The following DNAH6 variants were observed in gnomAD, a reference collection of about 807,000 sequenced individuals.
DNAH6 encodes the protein dynein axonemal heavy chain 6, also known as axonemal beta dynein heavy chain 6.
A neutral mutation model predicts 491.4 loss-of-function variants in DNAH6; 340 were observed. That is an observed-to-expected ratio of 0.69 (90% confidence interval 0.63 to 0.76). The LOEUF is 0.76. DNAH6 is among the 30% of genes least tolerant of loss of function. DNAH6 has a pLI of 0.00. For missense variants in DNAH6, 4,443 were observed against 4,972.2 expected (o/e 0.89, Z 3.20); for synonymous variants, 1,603 against 1,686.1 (o/e 0.95, Z 1.21).
chr2:84,722,264 A>G (rs1332080301), intron 59 of DNAH6, among the ~76,000 whole-genome samples: 1 of 152,000 alleles, frequency 6.6e-6, no homozygotes, highest in East Asian at 1.9e-4. Flanking sequence ...TCCTTTATTC[A>G]TTGTGCTTGC....
At position 84,815,903 on chromosome 2, in the gene DNAH6, A is replaced by G. The variant is rs1341931681; in HGVS notation, c.12193A>G (p.Met4065Val). ...TGGTGTTCTTGTTCATGGGATGTTC[A>G]TGGATGCTTCTCGATGGGATGATAA... ...EDGVLVHGMFMDASRWDDKEM... is the reference protein window; with the variant it reads ...EDGVLVHGMFVDASRWDDKEM... Residue 4065 changes from methionine to valine, a missense_variant, in exon 76 of 77, where the codon ATG (methionine) becomes GTG (valine). Physicochemically the swap from Met to Val is conservative, Grantham distance 21. Coordinates refer to ENST00000389394, the MANE Select transcript of DNAH6 (RefSeq NM_001370.2). 3.2e-6 allele frequency: 5 copies of G among 1,551,468 alleles called. No homozygotes were observed. The highest frequency in any genetic ancestry group is 3.5e-6 in the Non-Finnish European group (4 of 1,146,986).
In DNAH6 at chr2:84,642,025, A is replaced by C; in HGVS notation, c.5049A>C (p.Lys1683Asn). The C allele has an allele frequency of 6.4e-7, 1 of 1,550,922 alleles. No individual in the cohort carries two copies. The highest frequency in any genetic ancestry group is 8.7e-7 in the Non-Finnish European group (1 of 1,146,512). Residue 1683 changes from lysine (K) to asparagine (N), a missense_variant, in exon 33 of 77, where the codon AAA becomes AAC. Around this residue, in one of 3 missense-constraint regions of DNAH6, gnomAD observed 2,977 missense variants for 3,296.6 expected, o/e 0.90. Coordinates refer to ENST00000389394, the MANE Select transcript of DNAH6 (RefSeq NM_001370.2). ...IRALQDSNLPKFLTDDALLFS... is the reference protein window; with the variant it reads ...IRALQDSNLPNFLTDDALLFS... ...CTTTACAAGACTCCAATTTGCCAAA[A>C]TTTCTAACAGATGATGCTCTTCTGT...
At chr2:84,778,018 A>C in intron 64 of DNAH6, 6 of 1,008,860 alleles carry the variant, frequency 5.9e-6, no homozygotes, top group Non-Finnish European at 9.5e-6. Flanking sequence ...TGCCAGAGAC[A>C]ATCTTTGGTG....
At chr2:84,717,258 A>G (rs1403581632) in intron 58 of DNAH6, among the ~76,000 whole-genome samples, 1 of 152,214 alleles carries the variant, frequency 6.6e-6, no homozygotes. Context: ...TCCTGAGCTT[A>G]CCTTTATCTT....
chr2:84,560,452 T>TC (rs1285119285), intron 11 of DNAH6, among the ~76,000 whole-genome samples: 7 of 146,558 alleles, frequency 4.8e-5, no homozygotes, highest in Non-Finnish European at 1.0e-4. Context: ...TCTTTTTTTT[T>TC]TCTTTTTTTT....
At chr2:84,490,751 G>A in the DNAH6 span, among the ~76,000 whole-genome samples, 10 of 151,940 alleles carry the variant, frequency 6.6e-5, no homozygotes, top group African/African-American at 1.7e-4. Context: ...TAGTAGAGAC[G>A]GGGTTTCACC....
At chr2:84,691,459 T>C (rs1236406118) in intron 45 of DNAH6, among the ~76,000 whole-genome samples, 1 of 152,238 alleles carries the variant, frequency 6.6e-6, no homozygotes, top group Non-Finnish European at 1.5e-5. Flanking sequence ...ACATCTGATG[T>C]GTCTTTGAGT....
At chr2:84,628,182 G>A (rs1056169989) in intron 29 of DNAH6, among the ~76,000 whole-genome samples, 1 of 152,180 alleles carries the variant, frequency 6.6e-6, no homozygotes, top group Non-Finnish European at 1.5e-5. Context: ...AGGCATGGAT[G>A]GCTGTTGAGA....
At position 84,577,336 on chromosome 2, in the gene DNAH6, T is replaced by C. The variant is rs768021436; in HGVS notation, c.2004T>C (p.Asn668=). ...CAGTAGCGCTCAGACCCACCAGAAA[T>C]GTAGGATTGCTGCTCATTGATACTA... is the stretch of plus-strand genomic sequence containing the variant. The part of the protein sequence containing the change: ...KDAVALRPTR[N]VGLLLIDTRL... The change falls in exon 13 of 77, where the codon AAT becomes AAC. Residue 668 remains asparagine, a synonymous_variant. Coordinates refer to ENST00000389394, the MANE Select transcript of DNAH6 (RefSeq NM_001370.2). 6.2e-7 allele frequency: 1 copy of C among 1,612,278 alleles called. No individual in the cohort carries two copies. Among genetic ancestry groups the C allele is most frequent in the South Asian group, 1.1e-5 (1 of 90,666 alleles).
At chr2:84,805,574 T>G in intron 70 of DNAH6, 91 bp from the exon 71 acceptor site, 1 of 1,168,406 alleles carries the variant, frequency 8.6e-7, no homozygotes, top group Non-Finnish European at 1.2e-6. Flanking sequence ...TTTAGAGAAC[T>G]GCCTTTACTT....
Position 84,697,728 on chromosome 2 carries a change from G to A in DNAH6, c.7677+1G>A. On this transcript the variant is annotated splice_donor_variant, in intron 47 of 76. Coordinates refer to ENST00000389394, the MANE Select transcript of DNAH6 (RefSeq NM_001370.2). LOFTEE classifies it high-confidence loss of function. The stretch of plus-strand genomic sequence containing the variant: ...AATTTCTGAGGGGAACAGAGACGAG[G>A]TAGGATGTGCCAGAGTAGTTATGTG... 1.9e-6 allele frequency: 3 copies of A among 1,551,674 alleles called. No individual in the cohort carries two copies. The highest frequency in any genetic ancestry group is 2.6e-6 in the Non-Finnish European group (3 of 1,146,972).
chr2:84,718,348 C>T lies in DNAH6; in HGVS notation c.9756C>T (p.Asp3252=), dbSNP rs1697752339. The T allele has an allele frequency of 6.5e-7, 1 of 1,543,528 alleles. No individual in the cohort carries two copies. The highest frequency in any genetic ancestry group is 8.7e-7 in the Non-Finnish European group (1 of 1,144,858). Residue 3252 remains aspartate (D), a synonymous_variant, in exon 59 of 77, where the codon GAC becomes GAT. Transcript: ENST00000389394. ...MLFTSEGNIL[D]NEELIDTLQD... ...TTACCTCTGAAGGAAATATTCTGGA[C>T]AATGAAGAACTTATTGACACACTCC...
Position 84,705,706 on chromosome 2 carries a change from A to C in DNAH6, c.8686A>C (p.Lys2896Gln), listed in dbSNP as rs759068505. Residue 2896 changes from lysine to glutamine, a missense_variant, in exon 52 of 77, where the codon AAG becomes CAG. Lys to Gln is a moderately conservative substitution (Grantham distance 53). Around this residue, in one of 3 missense-constraint regions of DNAH6, gnomAD observed 1,463 missense variants for 1,656.6 expected, o/e 0.88. Coordinates refer to ENST00000389394, the MANE Select transcript of DNAH6 (RefSeq NM_001370.2). ...RAMDLYSRVV[K>Q]VVEPKRQKLR... ...TATGGATTTGTACTCTCGAGTGGTC[A>C]AGGTCGTCGAACCAAAAAGACAAAA... The C allele has an allele frequency of 6.4e-7, 1 of 1,551,328 alleles. No homozygotes were observed. The highest frequency in any genetic ancestry group is 8.7e-7 in the Non-Finnish European group (1 of 1,146,860).
Position 84,547,588 on chromosome 2 carries a change from G to A in DNAH6, c.1162G>A (p.Asp388Asn), listed in dbSNP as rs529015397. Residue 388 changes from aspartate (D) to asparagine (N), a missense_variant, in exon 7 of 77, where the codon GAC (aspartate) becomes AAC (asparagine). Coordinates refer to ENST00000389394, the MANE Select transcript of DNAH6 (RefSeq NM_001370.2). Reference sequence around the variant, plus strand: ...GCGTGCTGCAGGATTTGTTCCTGATGACTGTGCATTTGGACCTTTTGAGGG... The same window carrying A: ...GCGTGCTGCAGGATTTGTTCCTGATAACTGTGCATTTGGACCTTTTGAGGG... The part of the protein sequence containing the change: ...ALRAAGFVPD[D>N]CAFGPFEDYH... 1.9e-6 allele frequency: 3 copies of A among 1,551,950 alleles called. No individual in the cohort carries two copies. In the African/African-American group the frequency reaches 4.1e-5, roughly 21 times the overall value.
At chr2:84,799,788 A>C (rs553284942) in intron 70 of DNAH6, among the ~76,000 whole-genome samples, 1 of 152,320 alleles carries the variant, frequency 6.6e-6, no homozygotes, top group African/African-American at 2.4e-5. Flanking sequence ...CAGCCACTAA[A>C]AGAGACACCA....
At chr2:84,635,469 G>A (rs572949249) in intron 30 of DNAH6, among the ~76,000 whole-genome samples, 5 of 152,226 alleles carry the variant, frequency 3.3e-5, no homozygotes, top group African/African-American at 9.6e-5. Flanking sequence ...TCTTGTTCCC[G>A]CATACTCTGG....
chr2:84,752,926 C>T (rs1369761722), intron 63 of DNAH6, among the ~76,000 whole-genome samples: 2 of 152,064 alleles, frequency 1.3e-5, no homozygotes, highest in African/African-American at 4.8e-5. Context: ...TATGTATTTA[C>T]TTAGTGAAAT....
chr2:84,582,289 T>A (rs1389431062), intron 14 of DNAH6, among the ~76,000 whole-genome samples: 1 of 152,182 alleles, frequency 6.6e-6, no homozygotes, highest in Non-Finnish European at 1.5e-5. Context: ...TCTAGAACCG[T>A]GGTTCTCAAA....
the DNAH6 span, among the ~76,000 whole-genome samples, chr2:84,504,057 A>AT: frequency 6.6e-6 from 1 of 151,850 alleles, no homozygotes; most frequent in Non-Finnish European, 1.5e-5. Flanking sequence ...TTTGGGGACT[A>AT]TTTTTTAGAT....
Sources: allele counts gnomAD v4.1 joint callset (sites outside exome capture counted in the v4.1 genomes callset), GRCh38; gene constraint gnomAD v4.1.1; regional missense constraint gnomAD v4.1.1; transcripts MANE v1.5; gene names NCBI Gene and HGNC (gene_info 2026-07-23, HGNC 2026-07-21).